LRRC37A2: variants seen among roughly 807,000 people sequenced by gnomAD.
The protein encoded by LRRC37A2 is leucine-rich repeat-containing protein 37A2.
LRRC37A2 carries 9 observed loss-of-function variants against 68.8 expected under a neutral mutation model. The ratio of observed to expected loss-of-function variants is 0.13; its 90% CI spans 0.08 to 0.23. The LOEUF is 0.23. Among genes scored for constraint, LRRC37A2 ranks in the 10% least tolerant of loss-of-function variants. The pLI, the probability that LRRC37A2 is intolerant of heterozygous loss-of-function variation, is 1.00. For missense variants in LRRC37A2, 168 were observed against 950.4 expected (o/e 0.18, Z 10.82); for synonymous variants, 63 against 367.6 (o/e 0.17, Z 9.48).
the LRRC37A2 span, among the ~76,000 whole-genome samples, chr17:46,982,350 A>T: frequency 6.6e-6 from 1 of 152,182 alleles, no homozygotes; most frequent in Non-Finnish European, 1.5e-5. Context: ...TGCCTGATGT[A>T]AAGGAAAGGG....
chr17:47,010,076 G>A, the LRRC37A2 span, among the ~76,000 whole-genome samples: 6 of 152,318 alleles, frequency 3.9e-5, no homozygotes, highest in Non-Finnish European at 7.3e-5. Flanking sequence ...AAACTTGTTC[G>A]CAAGTAGGGA....
the LRRC37A2 span, among the ~76,000 whole-genome samples, chr17:46,828,745 G>T: frequency 7.3e-5 from 11 of 151,676 alleles, no homozygotes; most frequent in African/African-American, 2.4e-4. Flanking sequence ...ATTGCTTTGA[G>T]CTCAGGAGTT....
the LRRC37A2 span, among the ~76,000 whole-genome samples, chr17:46,719,707 TA>T: frequency 6.6e-6 from 1 of 152,222 alleles, no homozygotes; most frequent in Admixed American, 6.5e-5. The surrounding 1 kb of genome is among the most constrained non-coding windows in gnomAD (Gnocchi z 4.3). Context: ...AATACTTGTT[TA>T]AAAATCTATT....
chr17:46,534,701 A>C (rs1333960412), intron 6 of LRRC37A2, among the ~76,000 whole-genome samples: 1 of 149,904 alleles, frequency 6.7e-6, no homozygotes, highest in Non-Finnish European at 1.5e-5. Context: ...GTTCTCAATG[A>C]GCTGTTGGGT....
chr17:46,931,254 G>A, the LRRC37A2 span: 122 of 914,526 alleles, frequency 1.3e-4, no homozygotes, highest in Non-Finnish European at 2.1e-4. Context: ...GGCCCATCAA[G>A]ACAGGCTTTT....
At chr17:46,849,105 C>T in the LRRC37A2 span, among the ~76,000 whole-genome samples, 1 of 152,284 alleles carries the variant, frequency 6.6e-6, no homozygotes, top group Non-Finnish European at 1.5e-5. Flanking sequence ...CAGACAGAAA[C>T]CTGGTACAGT....
chr17:46,748,454 G>T, the LRRC37A2 span, among the ~76,000 whole-genome samples: 1 of 152,152 alleles, frequency 6.6e-6, no homozygotes, highest in Non-Finnish European at 1.5e-5. Context: ...TTAAGACAAA[G>T]GATACAATAG....
the LRRC37A2 span, among the ~76,000 whole-genome samples, chr17:46,870,052 A>T: frequency 6.6e-6 from 1 of 152,212 alleles, no homozygotes; most frequent in African/African-American, 2.4e-5. Flanking sequence ...TGTAGCTATA[A>T]TGATATAATA....
chr17:47,004,008 A>G, the LRRC37A2 span, among the ~76,000 whole-genome samples: 1 of 152,156 alleles, frequency 6.6e-6, no homozygotes, highest in East Asian at 1.9e-4. Context: ...GCTGAGAATG[A>G]TGGTTTCCAG....
the LRRC37A2 span, among the ~76,000 whole-genome samples, chr17:46,896,247 T>A: frequency 6.9e-6 from 1 of 145,394 alleles, no homozygotes. Context: ...TGAACCAAGA[T>A]CACACCATTG....
the LRRC37A2 span, among the ~76,000 whole-genome samples, chr17:46,381,045 C>A: frequency 4.9e-4 from 3 of 6,104 alleles, 1 homozygote; most frequent in African/African-American, 5.4e-4. Context: ...AGCCGAGATC[C>A]CGCCACTGCA....
chr17:47,001,207 G>A, the LRRC37A2 span, among the ~76,000 whole-genome samples: 1 of 152,274 alleles, frequency 6.6e-6, no homozygotes, highest in African/African-American at 2.4e-5. Flanking sequence ...TGAGTATTAT[G>A]GGGGTATTAA....
At chr17:46,936,577 G>C in the LRRC37A2 span, 1 of 985,566 alleles carries the variant, frequency 1.0e-6, no homozygotes, top group Non-Finnish European at 1.2e-6. Context: ...GAACATAGGA[G>C]AGGGCATGAA....
chr17:46,766,494 G>T, the LRRC37A2 span, among the ~76,000 whole-genome samples: 2 of 152,014 alleles, frequency 1.3e-5, no homozygotes, highest in Non-Finnish European at 2.9e-5. Context: ...AGACAGCTGA[G>T]TGGACGAGTG....
chr17:46,988,324 G>A, the LRRC37A2 span, among the ~76,000 whole-genome samples: 3 of 152,254 alleles, frequency 2.0e-5, no homozygotes, highest in Admixed American at 6.5e-5. Flanking sequence ...TGGGGCTGGG[G>A]AGAGAGGTGA....
the LRRC37A2 span, among the ~76,000 whole-genome samples, chr17:46,839,690 C>A: frequency 6.6e-6 from 1 of 152,176 alleles, no homozygotes; most frequent in Non-Finnish European, 1.5e-5. Context: ...CCAGTCCCCC[C>A]CGCCAAGAGG....
chr17:46,609,921 G>T, the LRRC37A2 span, among the ~76,000 whole-genome samples: 2 of 143,038 alleles, frequency 1.4e-5, no homozygotes, highest in East Asian at 1.9e-4. Flanking sequence ...GACCTCCTGG[G>T]CTCAAACCTC....
At chr17:46,951,423 G>A in the LRRC37A2 span, among the ~76,000 whole-genome samples, 2 of 152,082 alleles carry the variant, frequency 1.3e-5, no homozygotes, top group African/African-American at 2.4e-5. Context: ...TGGGCTCCTC[G>A]CCCAGCTGCC....
the LRRC37A2 span, among the ~76,000 whole-genome samples, chr17:46,708,057 G>A: frequency 6.7e-6 from 1 of 150,302 alleles, no homozygotes; most frequent in Admixed American, 6.6e-5. Flanking sequence ...AAAAATCCAT[G>A]ATATGTACAT....
Sources: allele counts gnomAD v4.1 joint callset (sites outside exome capture counted in the v4.1 genomes callset), GRCh38; gene constraint gnomAD v4.1.1; non-coding constraint Gnocchi (gnomAD v3.1); transcripts MANE v1.5; gene names NCBI Gene and HGNC (gene_info 2026-07-23, HGNC 2026-07-21).